Variants in PTPRZ1 observed in about 807,000 individuals in gnomAD.
The protein encoded by PTPRZ1 is receptor-type tyrosine-protein phosphatase zeta.
Under a neutral mutation model 214.1 loss-of-function variants are expected in PTPRZ1, and 82 were observed. That is an observed-to-expected ratio of 0.38 (90% confidence interval 0.32 to 0.46). The LOEUF is 0.46. Ranked by LOEUF, PTPRZ1 falls within the 20% of genes least tolerant of loss-of-function variation. The pLI, the probability that PTPRZ1 is intolerant of heterozygous loss-of-function variation, is 1.00. For missense variants in PTPRZ1, 2,603 were observed against 2,748.7 expected (o/e 0.95, Z 1.19); for synonymous variants, 945 against 987.9 (o/e 0.96, Z 0.81).
chr7:121,992,241 T>G (rs1170475412), intron 8 of PTPRZ1, among the ~76,000 whole-genome samples: 1 of 152,222 alleles, frequency 6.6e-6, no homozygotes, highest in Non-Finnish European at 1.5e-5. Flanking sequence ...AGATTGTGCT[T>G]CTTCCAAGGC....
At chr7:121,915,207 A>G (rs1250494327) in intron 1 of PTPRZ1, among the ~76,000 whole-genome samples, 1 of 152,152 alleles carries the variant, frequency 6.6e-6, no homozygotes, top group Non-Finnish European at 1.5e-5. Context: ...ACACTCCCTG[A>G]TCAGGAGGGA....
At chr7:121,928,105 T>C (rs778775234) in intron 1 of PTPRZ1, 51 bp from the exon 2 acceptor site, 18 of 1,316,486 alleles carry the variant, frequency 1.4e-5, no homozygotes, top group Non-Finnish European at 2.0e-5. Flanking sequence ...TCTTTTATTT[T>C]TGGACATATA....
At chr7:122,046,697 T>C (rs1348323524) in intron 23 of PTPRZ1, among the ~76,000 whole-genome samples, 1 of 152,110 alleles carries the variant, frequency 6.6e-6, no homozygotes, top group Non-Finnish European at 1.5e-5. Context: ...AGGTGGTACA[T>C]GCTTGAGAGG....
At chr7:121,892,934 A>T (rs963280905) in intron 1 of PTPRZ1, among the ~76,000 whole-genome samples, 1 of 151,908 alleles carries the variant, frequency 6.6e-6, no homozygotes, top group Non-Finnish European at 1.5e-5. Context: ...ATACACAATC[A>T]TTGCAAATAT....
At chr7:121,882,957 T>C (rs1794287878) in intron 1 of PTPRZ1, among the ~76,000 whole-genome samples, 1 of 152,150 alleles carries the variant, frequency 6.6e-6, no homozygotes, top group African/African-American at 2.4e-5. Flanking sequence ...GAGTGTCTTC[T>C]CTGGGAAGGT....
chr7:122,048,077 G>C (rs903179378), intron 23 of PTPRZ1, among the ~76,000 whole-genome samples: 1 of 152,080 alleles, frequency 6.6e-6, no homozygotes, highest in African/African-American at 2.4e-5. Context: ...ATTGGAAATT[G>C]ACAGTGAAAG....
intron 28 of PTPRZ1, 135 bp from the exon 29 acceptor site, chr7:122,059,618 G>A (rs1451195928): frequency 4.1e-6 from 4 of 974,324 alleles, no homozygotes; most frequent in Non-Finnish European, 5.9e-6. Flanking sequence ...TGTGCAAAAA[G>A]CGAAGAGAGA....
intron 3 of PTPRZ1, among the ~76,000 whole-genome samples, chr7:121,970,431 G>C (rs1313241799): frequency 1.3e-5 from 2 of 152,122 alleles, no homozygotes; most frequent in African/African-American, 2.4e-5. Context: ...GTGTAAAAGT[G>C]TTTCTATTTC....
At chr7:121,952,082 C>G (rs577573017) in intron 2 of PTPRZ1, among the ~76,000 whole-genome samples, 2 of 152,098 alleles carry the variant, frequency 1.3e-5, no homozygotes, top group Admixed American at 1.3e-4. Context: ...CCTCAGCCTC[C>G]CGAGTAGCTG....
intron 22 of PTPRZ1, among the ~76,000 whole-genome samples, chr7:122,043,999 A>G (rs1170132698): frequency 1.3e-5 from 2 of 152,232 alleles, no homozygotes; most frequent in Non-Finnish European, 2.9e-5. Context: ...TTAACTATAT[A>G]TAAAATTGAG....
intron 2 of PTPRZ1, among the ~76,000 whole-genome samples, chr7:121,950,309 G>A (rs575652460): frequency 6.6e-6 from 1 of 152,202 alleles, no homozygotes; most frequent in Non-Finnish European, 1.5e-5. Context: ...TGAGACTTGG[G>A]TGGGGACACA....
At chr7:122,004,715 A>G in intron 11 of PTPRZ1, 55 bp downstream of exon 11, 1 of 1,054,960 alleles carries the variant, frequency 9.5e-7, no homozygotes, top group Non-Finnish European at 1.4e-6. Context: ...TCTATTTTGA[A>G]TTGTTGCTTG....
At chr7:122,040,777 TG>T in intron 20 of PTPRZ1, 38 bp from the exon 21 acceptor site, 1 of 1,220,058 alleles carries the variant, frequency 8.2e-7, no homozygotes, top group Non-Finnish European at 1.1e-6. Context: ...TGTGTGTGTG[TG>T]TGTGTTTGAC....
chr7:122,023,402 T>C (rs981128191), intron 13 of PTPRZ1, among the ~76,000 whole-genome samples: 1 of 149,164 alleles, frequency 6.7e-6, no homozygotes, highest in African/African-American at 2.5e-5. Flanking sequence ...GTTCACTAGA[T>C]CATCTTTAAG....
intron 8 of PTPRZ1, among the ~76,000 whole-genome samples, chr7:121,989,375 G>GTTTTTTTTT (rs11395654): frequency 7.3e-6 from 1 of 137,448 alleles, no homozygotes; most frequent in Non-Finnish European, 1.5e-5. Flanking sequence ...TCCTATGAAA[G>GTTTTTTTTT]TTTTTTTTTT....
intron 1 of PTPRZ1, among the ~76,000 whole-genome samples, chr7:121,912,080 A>C (rs748510202): frequency 1.3e-5 from 2 of 152,172 alleles, no homozygotes; most frequent in East Asian, 1.9e-4. Flanking sequence ...TAAGGGACTA[A>C]TGTGTAGTTG....
chr7:121,929,187 A>G (rs1483226734), intron 2 of PTPRZ1, among the ~76,000 whole-genome samples: 2 of 152,118 alleles, frequency 1.3e-5, no homozygotes, highest in African/African-American at 2.4e-5. Flanking sequence ...TATTTCCCTC[A>G]GGAATAGCCA....
chr7:122,038,694 G>A (rs1799624383), intron 18 of PTPRZ1, 61 bp from the exon 19 acceptor site: 1 of 1,522,864 alleles, frequency 6.6e-7, no homozygotes, highest in East Asian at 2.3e-5. Flanking sequence ...CTTAGGCATT[G>A]TACAGTTAAA....
rs375695018 is a variant in PTPRZ1, at chr7:121,976,316, T to C, written c.552+48T>C. 2.9e-4 allele frequency: 340 copies of C among 1,159,198 alleles called. 5 individuals carry two copies. Among genetic ancestry groups the C allele is most frequent in the Admixed American group, 9.6e-5 (5 of 51,918 alleles). The allele number at this position is 1,159,198 out of a possible 1,614,324, so 71.8% of individuals were successfully genotyped here. On this transcript the variant is annotated intron_variant, in intron 5 of 29. Transcript: ENST00000393386. ...TAATGTAATTCCTTTTTAAGTCACA[T>C]TAAATATTGACGTGAAATATCAAGA...
Sources: allele counts gnomAD v4.1 joint callset (sites outside exome capture counted in the v4.1 genomes callset), GRCh38; gene constraint gnomAD v4.1.1; transcripts MANE v1.5; gene names NCBI Gene and HGNC (gene_info 2026-07-23, HGNC 2026-07-21).